Variants in CADM2 observed in about 807,000 individuals in gnomAD.
CADM2 encodes cell adhesion molecule 2.
A neutral mutation model predicts 49.8 loss-of-function variants in CADM2; 12 were observed. The observed-to-expected ratio is 0.24, with a 90% CI of 0.15 to 0.39. The LOEUF (loss-of-function observed/expected upper bound fraction) is 0.39. Among genes scored for constraint, CADM2 ranks in the 10% least tolerant of loss-of-function variants. CADM2 has a pLI of 1.00. For synonymous variants in CADM2, 214 were observed against 175.4 expected, an observed-to-expected ratio of 1.22 and a Z score of -1.74; for missense variants, 378 against 492.3, an observed-to-expected ratio of 0.77 and a Z score of 2.20.
intron 1 of CADM2, among the ~76,000 whole-genome samples, chr3:85,207,686 A>G (rs1007078093): frequency 1.3e-5 from 2 of 152,188 alleles, no homozygotes; most frequent in African/African-American, 2.4e-5. Context: ...CGAAATAAAG[A>G]CATTTAAGTT....
chr3:85,490,363 T>C (rs1348364194), intron 1 of CADM2, among the ~76,000 whole-genome samples: 1 of 151,966 alleles, frequency 6.6e-6, no homozygotes, highest in African/African-American at 2.4e-5. Context: ...TTAAGAGTCA[T>C]TTTAGAATAG....
At chr3:85,185,819 C>T (rs1284819184) in intron 1 of CADM2, among the ~76,000 whole-genome samples, 2 of 152,118 alleles carry the variant, frequency 1.3e-5, no homozygotes, top group Non-Finnish European at 2.9e-5. Flanking sequence ...TTCAGCTGCT[C>T]TTAAGGATAG....
intron 1 of CADM2, among the ~76,000 whole-genome samples, chr3:85,169,705 A>T (rs1271576664): frequency 6.6e-6 from 1 of 152,158 alleles, no homozygotes; most frequent in African/African-American, 2.4e-5. Flanking sequence ...CCTGGAGACG[A>T]AGGTTGCAGT....
chr3:85,456,904 G>A (rs2038017272), intron 1 of CADM2, among the ~76,000 whole-genome samples: 1 of 150,340 alleles, frequency 6.7e-6, no homozygotes, highest in Non-Finnish European at 1.5e-5. Flanking sequence ...TTGTCAGGCT[G>A]TTTAATGAAA....
chr3:86,008,438 G>T (rs1206150688), intron 8 of CADM2, among the ~76,000 whole-genome samples: 3 of 152,002 alleles, frequency 2.0e-5, no homozygotes, highest in African/African-American at 7.2e-5. Flanking sequence ...TATGTAATTT[G>T]AAAAAATGAA....
intron 1 of CADM2, among the ~76,000 whole-genome samples, chr3:85,683,158 T>A (rs2066087918): frequency 6.6e-6 from 1 of 152,056 alleles, no homozygotes; most frequent in Non-Finnish European, 1.5e-5. Flanking sequence ...ATCATAGAAG[T>A]ATATCTCATA....
At chr3:85,356,146 T>C (rs2031837379) in intron 1 of CADM2, among the ~76,000 whole-genome samples, 1 of 152,032 alleles carries the variant, frequency 6.6e-6, no homozygotes, top group Non-Finnish European at 1.5e-5. Context: ...GTGGGTGAGG[T>C]AGCTATACTA....
intron 1 of CADM2, among the ~76,000 whole-genome samples, chr3:85,358,281 T>C (rs1167997157): frequency 1.3e-5 from 2 of 152,088 alleles, no homozygotes; most frequent in African/African-American, 4.8e-5. Flanking sequence ...TGGAGAACAT[T>C]GTTTTTCTCT....
At chr3:85,010,028 C>T (rs1255074173) in intron 1 of CADM2, among the ~76,000 whole-genome samples, 2 of 150,584 alleles carry the variant, frequency 1.3e-5, no homozygotes, top group Non-Finnish European at 3.0e-5. Flanking sequence ...AGTAAACTAA[C>T]TTAGAGTTAC....
chr3:85,438,824 C>A (rs1465043888), intron 1 of CADM2, among the ~76,000 whole-genome samples: 2 of 152,006 alleles, frequency 1.3e-5, no homozygotes, highest in Non-Finnish European at 2.9e-5. Flanking sequence ...AAGTGTGAGC[C>A]ACCATACCTG....
At chr3:85,668,009 G>T (rs1404867931) in intron 1 of CADM2, among the ~76,000 whole-genome samples, 3 of 151,930 alleles carry the variant, frequency 2.0e-5, no homozygotes, top group Non-Finnish European at 4.4e-5. Context: ...TATTAACATT[G>T]TTGACTCATA....
chr3:85,407,430 AC>A (rs2035437551), intron 1 of CADM2, among the ~76,000 whole-genome samples: 1 of 152,094 alleles, frequency 6.6e-6, no homozygotes, highest in African/African-American at 2.4e-5. Context: ...TTCTCTCAGA[AC>A]TTTTACACAA....
At chr3:85,953,623 C>G (rs996958011) in intron 7 of CADM2, among the ~76,000 whole-genome samples, 14 of 150,938 alleles carry the variant, frequency 9.3e-5, no homozygotes, top group African/African-American at 3.4e-4. Flanking sequence ...ATGCCACTTA[C>G]TGTATGCTAC....
intron 2 of CADM2, among the ~76,000 whole-genome samples, chr3:85,755,968 A>G (rs1283622368): frequency 6.6e-6 from 1 of 152,154 alleles, no homozygotes; most frequent in African/African-American, 2.4e-5. Context: ...TGGGGCTGAA[A>G]GTTCCAAACC....
At chr3:85,822,760 A>G (rs1025220818) in intron 3 of CADM2, among the ~76,000 whole-genome samples, 5 of 152,188 alleles carry the variant, frequency 3.3e-5, no homozygotes, top group Admixed American at 1.3e-4. Context: ...ATGAATTTTC[A>G]TATGTGGATC....
chr3:85,908,743 G>A (rs1464331517), intron 5 of CADM2, among the ~76,000 whole-genome samples: 1 of 112,130 alleles, frequency 8.9e-6, no homozygotes, highest in African/African-American at 3.7e-5. Context: ...TTTTTTTTTT[G>A]AGATGGAATC....
intron 1 of CADM2, among the ~76,000 whole-genome samples, chr3:85,700,197 A>T (rs1462428774): frequency 6.6e-6 from 1 of 152,220 alleles, no homozygotes; most frequent in African/African-American, 2.4e-5. Context: ...GACATGGATG[A>T]AGCTGGAAAG....
chr3:86,020,412 G>A (rs996793842), intron 8 of CADM2, among the ~76,000 whole-genome samples: 1 of 152,016 alleles, frequency 6.6e-6, no homozygotes, highest in African/African-American at 2.4e-5. Flanking sequence ...AGAGGTACAA[G>A]GAGGAACTGG....
At chr3:85,055,819 T>C (rs2036058793) in intron 1 of CADM2, among the ~76,000 whole-genome samples, 1 of 152,034 alleles carries the variant, frequency 6.6e-6, no homozygotes, top group Non-Finnish European at 1.5e-5. Context: ...TGGAAACTTG[T>C]TAAAAATGTA....
Sources: allele counts gnomAD v4.1 joint callset (sites outside exome capture counted in the v4.1 genomes callset), GRCh38; gene constraint gnomAD v4.1.1; transcripts MANE v1.5; gene names NCBI Gene and HGNC (gene_info 2026-07-23, HGNC 2026-07-21).